The following CCDC91 variants were observed in gnomAD, a reference collection of about 807,000 sequenced individuals.
CCDC91 encodes the protein coiled-coil domain containing 91, also known as coiled-coil domain-containing protein 91.
A neutral mutation model predicts 63.2 loss-of-function variants in CCDC91; 48 were observed. That is an observed-to-expected ratio of 0.76 (90% CI 0.60 to 0.97). The LOEUF is 0.97. CCDC91 is among the 50% of genes least tolerant of loss of function. The pLI is 0.00. For missense variants in CCDC91, 500 were observed against 494.6 expected (o/e 1.01, Z -0.10); for synonymous variants, 167 against 165.8 (o/e 1.01, Z -0.06).
chr12:28,369,292 A>G (rs575912295), intron 7 of CCDC91, among the ~76,000 whole-genome samples: 7 of 152,196 alleles, frequency 4.6e-5, no homozygotes, highest in Non-Finnish European at 8.8e-5. Context: ...TGGCCAAAAA[A>G]AAGTAGCTAC....
intron 3 of CCDC91, among the ~76,000 whole-genome samples, chr12:28,274,565 C>A (rs10771419): frequency 6.6e-6 from 1 of 152,044 alleles, no homozygotes; most frequent in African/African-American, 2.4e-5. Context: ...ACGTCCCTTG[C>A]ACGTTGGATT....
intron 11 of CCDC91, among the ~76,000 whole-genome samples, chr12:28,479,802 G>C (rs1221868103): frequency 6.6e-6 from 1 of 150,906 alleles, no homozygotes; most frequent in Non-Finnish European, 1.5e-5. Flanking sequence ...TCTTTGTTTA[G>C]ACCAATGTTT....
chr12:28,341,891 C>G (rs1942451581), intron 6 of CCDC91, among the ~76,000 whole-genome samples: 1 of 152,140 alleles, frequency 6.6e-6, no homozygotes, highest in Non-Finnish European at 1.5e-5. Flanking sequence ...TAAGAAAAGA[C>G]TGTTGTGTAG....
chr12:28,465,015 G>C (rs763446482), intron 11 of CCDC91, among the ~76,000 whole-genome samples: 14 of 152,162 alleles, frequency 9.2e-5, no homozygotes, highest in Non-Finnish European at 2.1e-4. Flanking sequence ...TAATGGAAGA[G>C]CCCTTGGGCC....
chr12:28,356,896 A>G (rs977114628), intron 6 of CCDC91, among the ~76,000 whole-genome samples: 2 of 152,134 alleles, frequency 1.3e-5, no homozygotes, highest in African/African-American at 4.8e-5. Context: ...GATCTTTGGA[A>G]TTTCTTTATC....
At chr12:28,486,642 TA>T (rs1170476500) in intron 12 of CCDC91, among the ~76,000 whole-genome samples, 15 of 152,114 alleles carry the variant, frequency 9.9e-5, no homozygotes, top group African/African-American at 3.4e-4. Flanking sequence ...AATGCCTTTT[TA>T]AGAGATATCT....
chr12:28,278,823 G>T (rs1403384263), intron 3 of CCDC91, among the ~76,000 whole-genome samples: 4 of 151,874 alleles, frequency 2.6e-5, no homozygotes, highest in Non-Finnish European at 5.9e-5. Context: ...TGTAACCTTG[G>T]TCAACTTAAT....
At chr12:28,292,177 T>A (rs1182089665) in intron 3 of CCDC91, among the ~76,000 whole-genome samples, 2 of 152,106 alleles carry the variant, frequency 1.3e-5, no homozygotes, top group Admixed American at 6.6e-5. Flanking sequence ...GAACATAAAG[T>A]GAGAAATGCC....
At chr12:28,405,042 T>C (rs572840447) in intron 8 of CCDC91, among the ~76,000 whole-genome samples, 1 of 152,088 alleles carries the variant, frequency 6.6e-6, no homozygotes, top group African/African-American at 2.4e-5. Flanking sequence ...TCCACCATAT[T>C]TGTTATTCTT....
chr12:28,530,218 A>C (rs998547483), intron 12 of CCDC91, among the ~76,000 whole-genome samples: 1 of 152,190 alleles, frequency 6.6e-6, no homozygotes, highest in Non-Finnish European at 1.5e-5. Flanking sequence ...TAAGGCTTCT[A>C]CCTACCTCTT....
At chr12:28,418,893 CAAGAT>C (rs1199000997) in intron 8 of CCDC91, among the ~76,000 whole-genome samples, 1 of 151,926 alleles carries the variant, frequency 6.6e-6, no homozygotes, top group African/African-American at 2.4e-5. Flanking sequence ...AATAATTACA[CAAGAT>C]AAAGGCAAGT....
chr12:28,533,890 A>G (rs1941943858), intron 12 of CCDC91, among the ~76,000 whole-genome samples: 1 of 152,056 alleles, frequency 6.6e-6, no homozygotes, highest in Non-Finnish European at 1.5e-5. Flanking sequence ...ACTTTAGCAC[A>G]TATGGATATT....
At chr12:28,430,458 G>A (rs1408331111) in intron 8 of CCDC91, among the ~76,000 whole-genome samples, 1 of 151,904 alleles carries the variant, frequency 6.6e-6, no homozygotes, top group Non-Finnish European at 1.5e-5. Context: ...TATATTTATT[G>A]ACACACAACA....
chr12:28,461,465 C>G (rs574202724), intron 11 of CCDC91, among the ~76,000 whole-genome samples: 1 of 151,892 alleles, frequency 6.6e-6, no homozygotes, highest in Non-Finnish European at 1.5e-5. Flanking sequence ...TAATTTAATT[C>G]TAAAAAGTTC....
chr12:28,241,717 C>T lies in CCDC91; in HGVS notation c.-14-15485C>T, dbSNP rs74075026. Among the ~76,000 whole-genome samples, 431 of 152,086 alleles carry T rather than the reference C, an allele frequency of 2.8e-3. 2 individuals are homozygous for T. Among genetic ancestry groups the T allele is most frequent in the African/African-American group, 1.0e-2 (413 of 41,486 alleles). On this transcript the variant is annotated intron_variant, in intron 1 of 12. Transcript: ENST00000536442. ...TTCTCAAAGTATACCTGTGTTCTTG[C>T]GGGGCGTGGTGGCTCACACCTGTAA... is the stretch of plus-strand genomic sequence containing the variant.
At chr12:28,507,513 A>G (rs539362179) in intron 12 of CCDC91, among the ~76,000 whole-genome samples, 2 of 152,062 alleles carry the variant, frequency 1.3e-5, no homozygotes, top group Admixed American at 6.5e-5. Flanking sequence ...TTATAAAGAT[A>G]TTTGTCCAAG....
chr12:28,502,235 C>G (rs562497614), intron 12 of CCDC91, among the ~76,000 whole-genome samples: 7 of 152,008 alleles, frequency 4.6e-5, no homozygotes, highest in African/African-American at 1.7e-4. Context: ...TCAGCAAAGT[C>G]TCAGGATACA....
intron 3 of CCDC91, among the ~76,000 whole-genome samples, chr12:28,275,807 C>G (rs1442910791): frequency 1.3e-5 from 2 of 152,114 alleles, no homozygotes; most frequent in African/African-American, 4.8e-5. Flanking sequence ...GGATGCAAGG[C>G]TGTTTCAACA....
intron 10 of CCDC91, among the ~76,000 whole-genome samples, chr12:28,452,076 C>A (rs963353007): frequency 6.6e-6 from 1 of 151,234 alleles, no homozygotes; most frequent in Non-Finnish European, 1.5e-5. Flanking sequence ...TAATATCATG[C>A]AATTATATTA....
Sources: allele counts gnomAD v4.1 joint callset (sites outside exome capture counted in the v4.1 genomes callset), GRCh38; gene constraint gnomAD v4.1.1; transcripts MANE v1.5; gene names NCBI Gene and HGNC (gene_info 2026-07-23, HGNC 2026-07-21).